The following ZNF184 variants were observed in gnomAD, a reference collection of about 807,000 sequenced individuals.
The protein encoded by ZNF184 is zinc finger protein 184 (Kruppel-like).
Under a neutral mutation model 54.4 loss-of-function variants are expected in ZNF184, and 16 were observed. That is an observed-to-expected ratio of 0.29 (90% CI 0.20 to 0.45). The LOEUF is 0.45. Ranked by LOEUF, ZNF184 falls within the 20% of genes least tolerant of loss-of-function variation. The pLI is 1.00. For synonymous variants in ZNF184, 254 were observed against 295.3 expected, an observed-to-expected ratio of 0.86 and a Z score of 1.43; for missense variants, 681 against 888.2, an observed-to-expected ratio of 0.77 and a Z score of 2.97.
the ZNF184 span, among the ~76,000 whole-genome samples, chr6:27,443,432 A>C: frequency 1.3e-5 from 2 of 152,068 alleles, no homozygotes; most frequent in Non-Finnish European, 2.9e-5. Context: ...CCTTCCTCAC[A>C]CTTCCCATGA....
chr6:27,411,067 G>T, the ZNF184 span, among the ~76,000 whole-genome samples: 2 of 152,178 alleles, frequency 1.3e-5, no homozygotes, highest in Admixed American at 6.5e-5. Context: ...TTTTCTCACA[G>T]TTCTGGGGGC....
At chr6:27,417,809 T>C in the ZNF184 span, among the ~76,000 whole-genome samples, 1 of 152,224 alleles carries the variant, frequency 6.6e-6, no homozygotes, top group South Asian at 2.1e-4. Context: ...ATGTATGTAG[T>C]ATAATTTCAG....
the ZNF184 span, among the ~76,000 whole-genome samples, chr6:27,440,950 A>G: frequency 6.6e-6 from 1 of 152,140 alleles, no homozygotes; most frequent in Non-Finnish European, 1.5e-5. Flanking sequence ...GCTTGCAGTG[A>G]GCCGAGATCG....
rs374527178 is a variant in ZNF184 at position 27,452,302 on chromosome 6, T to C, written c.1257A>G (p.Glu419=). Residue 419 remains glutamate, a synonymous_variant, in exon 6 of 6, where the codon GAA becomes GAG. Coordinates refer to ENST00000683788, the MANE Select transcript of ZNF184 (RefSeq NM_001318891.2). This position sits in a 1 kb window ranked among gnomAD's most constrained non-coding sequence, Gnocchi z 5.5. ...HMIHTGEKPY[E]CNECGKAFSQ... ...TGAAGGCTTTCCCACATTCATTGCA[T>C]TCGTACGGTTTTTCACCAGTATGAA... 103 of 1,613,892 alleles carry C rather than the reference T, an allele frequency of 6.4e-5. No homozygotes were observed. The highest frequency in any genetic ancestry group is 1.6e-4 in the Middle Eastern group (1 of 6,084).
At chr6:27,466,157 AG>A in intron 3 of ZNF184, among the ~76,000 whole-genome samples, 1 of 151,874 alleles carries the variant, frequency 6.6e-6, no homozygotes, top group African/African-American at 2.4e-5. Context: ...AGAGAGAGAG[AG>A]AGAGAGAGAG....
chr6:27,413,258 T>C, the ZNF184 span, among the ~76,000 whole-genome samples: 1 of 152,036 alleles, frequency 6.6e-6, no homozygotes, highest in Admixed American at 6.5e-5. Flanking sequence ...AAACTCTGTC[T>C]CAAAGAAAGA....
the ZNF184 span, among the ~76,000 whole-genome samples, chr6:27,421,049 G>A: frequency 6.6e-6 from 1 of 152,108 alleles, no homozygotes; most frequent in African/African-American, 2.4e-5. Flanking sequence ...GGCAAAAACA[G>A]ACAGTAAAAA....
Position 27,472,282 on chromosome 6 carries a change from C to T in ZNF184, c.7+6G>A, listed in dbSNP as rs768473138. 3.7e-6 allele frequency: 6 copies of T among 1,614,016 alleles called. No homozygotes were observed. Among genetic ancestry groups the T allele is most frequent in the Middle Eastern group, 1.6e-4 (1 of 6,084 alleles). The stretch of plus-strand genomic sequence containing the variant: ...ACCCCGCTCTCCCCCAAGTCGACCC[C>T]ACTACCTTCCATCTCAGGAGCTCAT... On this transcript the variant is annotated splice_donor_region_variant and intron_variant, in intron 2 of 5. Coordinates refer to ENST00000683788, the MANE Select transcript of ZNF184 (RefSeq NM_001318891.2). This position sits in a 1 kb window ranked among gnomAD's most constrained non-coding sequence, Gnocchi z 4.8.
rs2272814 is a variant in ZNF184 at position 27,467,928 on chromosome 6, G to A, written c.8-8C>T. On this transcript the variant is annotated splice_polypyrimidine_tract_variant and splice_region_variant and intron_variant, in intron 2 of 5. Transcript: ENST00000683788. The stretch of plus-strand genomic sequence containing the variant: ...AGTCTGGAGAGGACAGATCTAGGGG[G>A]AGAAGCAGGAGCCATATGACTTCTG... 1,113,704 of 1,578,394 alleles carry A rather than the reference G, an allele frequency of 0.71. 395,682 individuals carry two copies. Among genetic ancestry groups the A allele is most frequent in the Middle Eastern group, 0.76 (4,519 of 5,924 alleles).
chr6:27,461,221 T>G (rs1762986800), intron 3 of ZNF184, among the ~76,000 whole-genome samples: 1 of 152,202 alleles, frequency 6.6e-6, no homozygotes, highest in Admixed American at 6.5e-5. Flanking sequence ...TCTTCATGTT[T>G]CTGTGGCTCA....
chr6:27,440,208 T>C, the ZNF184 span, among the ~76,000 whole-genome samples: 5 of 152,226 alleles, frequency 3.3e-5, no homozygotes, highest in Non-Finnish European at 7.3e-5. Flanking sequence ...TTTTGTCTAA[T>C]TGATTTATGG....
intron 3 of ZNF184, among the ~76,000 whole-genome samples, chr6:27,462,433 C>T (rs572635246): frequency 3.0e-4 from 45 of 151,822 alleles, no homozygotes; most frequent in Non-Finnish European, 4.4e-4. Flanking sequence ...CTGCTGACCT[C>T]GTGATCCACC....
the ZNF184 span, among the ~76,000 whole-genome samples, chr6:27,422,184 G>GAAAGAAAGAA: frequency 3.7e-5 from 1 of 26,704 alleles, no homozygotes; most frequent in Non-Finnish European, 9.8e-5. Context: ...AAGAAAGAAA[G>GAAAGAAAGAA]AAAGAAAGAA....
At chr6:27,406,156 G>C in the ZNF184 span, 4 of 152,254 alleles carry the variant, frequency 2.6e-5, no homozygotes, top group African/African-American at 9.7e-5. Flanking sequence ...AAGGCAAACT[G>C]TTCCTGGCTC....
At chr6:27,421,361 CCA>C in the ZNF184 span, among the ~76,000 whole-genome samples, 3 of 152,136 alleles carry the variant, frequency 2.0e-5, no homozygotes, top group African/African-American at 7.2e-5. Flanking sequence ...TCTATACCTT[CCA>C]CAGTTTTTTC....
intron 2 of ZNF184, among the ~76,000 whole-genome samples, chr6:27,471,672 T>C (rs1398860030): frequency 6.6e-6 from 1 of 152,076 alleles, no homozygotes; most frequent in Non-Finnish European, 1.5e-5. Context: ...GCTATATTGC[T>C]TAGAAAAGAA....
chr6:27,442,870 G>GAAAGAAAGAAAAAGAAAA, the ZNF184 span, among the ~76,000 whole-genome samples: 35 of 30,724 alleles, frequency 1.1e-3, 1 homozygote, highest in African/African-American at 3.7e-3. Context: ...AAGAAAGAAA[G>GAAAGAAAGAAAAAGAAAA]AAAGAAAGAA....
the ZNF184 span, among the ~76,000 whole-genome samples, chr6:27,424,856 A>G: frequency 6.6e-6 from 1 of 152,128 alleles, no homozygotes; most frequent in African/African-American, 2.4e-5. Flanking sequence ...CGTCGATGGG[A>G]CTGGGCGCCG....
Position 27,453,338 on chromosome 6 carries a change from C to A in ZNF184, c.299-78G>T, listed in dbSNP as rs1296063622. 3.0e-6 allele frequency: 4 copies of A among 1,337,698 alleles called. No individual in the cohort carries two copies. The highest frequency in any genetic ancestry group is 4.0e-6 in the Non-Finnish European group (4 of 1,011,922). 82.9% of individuals were successfully genotyped at this position (1,337,698 alleles called of 1,614,324 possible). A position where few individuals can be genotyped will look rare whatever the true frequency, so the allele number is the denominator to read the frequency against. On this transcript the variant is annotated intron_variant, in intron 5 of 5. Transcript: ENST00000683788. The surrounding 1 kb of genome is among the most constrained non-coding windows in gnomAD (Gnocchi z 4.7). The stretch of plus-strand genomic sequence containing the variant: ...CTATTGTGGGAATAATATAATGATA[C>A]TGAAAAATAAATCTCTCAGAAAATT...
Sources: gnomAD v4.1 joint callset for allele counts (sites outside exome capture counted in the v4.1 genomes callset) on GRCh38, gnomAD v4.1.1 for gene constraint, Gnocchi (gnomAD v3.1) non-coding constraint, MANE v1.5 for transcripts, NCBI Gene and HGNC (gene_info 2026-07-23, HGNC 2026-07-21) for gene names.